VPS13B: variants seen among roughly 807,000 people sequenced by gnomAD.
VPS13B encodes the protein vacuolar protein sorting 13 homolog B.
VPS13B carries 285 observed loss-of-function variants against 426.4 expected under a neutral mutation model. That is an observed-to-expected ratio of 0.67 (90% CI 0.61 to 0.74). VPS13B has a LOEUF of 0.74. Among genes scored for constraint, VPS13B ranks in the 30% least tolerant of loss-of-function variants. The pLI is 0.00. For synonymous variants in VPS13B, 1,676 were observed against 1,676.4 expected, an observed-to-expected ratio of 1.00 and a Z score of 0.01; for missense variants, 4,537 against 4,782.6, an observed-to-expected ratio of 0.95 and a Z score of 1.51.
In VPS13B at chr8:99,695,211, G is replaced by T. The variant is rs1342129261; in HGVS notation, c.6047-4314G>T. Among the ~76,000 whole-genome samples, 538 of 148,902 alleles carry T rather than the reference G, an allele frequency of 3.6e-3. 11 individuals are homozygous for T. Among genetic ancestry groups the T allele is most frequent in the Admixed American group, 0.034 (429 of 12,660 alleles). On this transcript the variant is annotated intron_variant, in intron 35 of 61. Transcript: ENST00000357162. ...TCCCATTACTGGGTATATACCCAAA[G>T]GATTATAAATCATGCTGCTATAAAG...
chr8:99,588,388 A>G (rs1220084836), intron 33 of VPS13B, among the ~76,000 whole-genome samples: 1 of 151,778 alleles, frequency 6.6e-6, no homozygotes, highest in Non-Finnish European at 1.5e-5. Context: ...GATGTCATTG[A>G]ATCTACAAAT....
intron 3 of VPS13B, among the ~76,000 whole-genome samples, chr8:99,090,773 T>C (rs1846098830): frequency 6.6e-6 from 1 of 152,206 alleles, no homozygotes; most frequent in African/African-American, 2.4e-5. Flanking sequence ...TAAATTAATC[T>C]GTTCAATAAC....
intron 15 of VPS13B, among the ~76,000 whole-genome samples, chr8:99,160,732 T>C (rs1376872900): frequency 6.7e-6 from 1 of 150,040 alleles, no homozygotes; most frequent in Non-Finnish European, 1.5e-5. Context: ...ACTCCACAAA[T>C]AGGCTCTTGG....
intron 17 of VPS13B, among the ~76,000 whole-genome samples, chr8:99,251,015 T>C (rs1224096672): frequency 6.6e-6 from 1 of 152,186 alleles, no homozygotes; most frequent in Non-Finnish European, 1.5e-5. Context: ...TGTGACCTTA[T>C]AAAACTAAGC....
intron 55 of VPS13B, among the ~76,000 whole-genome samples, chr8:99,850,892 C>A (rs1816255216): frequency 6.6e-6 from 1 of 152,132 alleles, no homozygotes; most frequent in South Asian, 2.1e-4. Flanking sequence ...TGCCACTGCA[C>A]TCCAGCCTGG....
At chr8:99,349,332 C>CGAAA in intron 19 of VPS13B, among the ~76,000 whole-genome samples, 1 of 47,744 alleles carries the variant, frequency 2.1e-5, no homozygotes, top group East Asian at 6.8e-4. Flanking sequence ...GACTCCGTCT[C>CGAAA]AAAAAAAAAA....
chr8:99,344,594 T>C (rs1811434834), intron 19 of VPS13B, among the ~76,000 whole-genome samples: 1 of 152,214 alleles, frequency 6.6e-6, no homozygotes, highest in African/African-American at 2.4e-5. Flanking sequence ...CACCCATATT[T>C]GTATTGTGAG....
chr8:99,619,278 G>C (rs1178900909), intron 33 of VPS13B, among the ~76,000 whole-genome samples: 1 of 152,130 alleles, frequency 6.6e-6, no homozygotes, highest in Admixed American at 6.5e-5. Flanking sequence ...TCCACCCCTG[G>C]ATCCTGGAGG....
intron 17 of VPS13B, among the ~76,000 whole-genome samples, chr8:99,213,911 A>G (rs1027536060): frequency 9.7e-4 from 146 of 150,598 alleles, no homozygotes; most frequent in African/African-American, 3.3e-3. Context: ...CTAGACTCCC[A>G]TAAGTTCTGC....
intron 21 of VPS13B, among the ~76,000 whole-genome samples, chr8:99,423,796 C>G (rs1268567292): frequency 6.6e-6 from 1 of 152,066 alleles, no homozygotes; most frequent in African/African-American, 2.4e-5. Context: ...AATTTCTGTC[C>G]TTTTACATTT....
intron 17 of VPS13B, among the ~76,000 whole-genome samples, chr8:99,271,069 G>T (rs556024717): frequency 6.6e-6 from 1 of 151,902 alleles, no homozygotes; most frequent in Non-Finnish European, 1.5e-5. Flanking sequence ...TGTGTTTGCC[G>T]AATAAATGAA....
intron 8 of VPS13B, among the ~76,000 whole-genome samples, chr8:99,128,855 G>A (rs1809591314): frequency 1.3e-5 from 2 of 151,984 alleles, no homozygotes; most frequent in South Asian, 2.1e-4. Flanking sequence ...AATACTTTAA[G>A]ATAGCTGGAC....
At chr8:99,073,800 C>A (rs73281620) in intron 3 of VPS13B, among the ~76,000 whole-genome samples, 2,447 of 136,874 alleles carry the variant, frequency 0.018, 63 homozygotes, top group African/African-American at 0.063. Flanking sequence ...CATAAAGTTT[C>A]ACTCTGTTTC....
In VPS13B at chr8:99,038,563, A is replaced by T. The variant is rs1842840884; in HGVS notation, c.288A>T (p.Ile96=). 2 of 1,612,184 alleles carry T rather than the reference A, an allele frequency of 1.2e-6. No individual in the cohort carries two copies. Among genetic ancestry groups the T allele is most frequent in the African/African-American group, 2.7e-5 (2 of 74,862 alleles). Reference sequence around the variant, plus strand: ...GCATTTTGAAACTTAAGGATGGGATACAGGTAAGAAATTATTGAACCAAGT... The same window carrying T: ...GCATTTTGAAACTTAAGGATGGGATTCAGGTAAGAAATTATTGAACCAAGT... The part of the protein sequence containing the change: ...MECILKLKDG[I]QDDHESCGSN... Residue 96 remains isoleucine (I), a synonymous_variant, in exon 3 of 62, where the codon ATA becomes ATT. Transcript: ENST00000357162.
chr8:99,014,018 A>C, intron 2 of VPS13B, 83 bp downstream of exon 2: 1 of 1,545,042 alleles, frequency 6.5e-7, no homozygotes, highest in South Asian at 1.1e-5. Context: ...CTTTGACTTT[A>C]TGCTGTAAAA....
At chr8:99,660,971 C>CT (rs1277333803) in intron 34 of VPS13B, among the ~76,000 whole-genome samples, 2 of 151,772 alleles carry the variant, frequency 1.3e-5, no homozygotes, top group African/African-American at 2.4e-5. Context: ...AATGTATATG[C>CT]TTTTTTTTAA....
Position 99,851,000 on chromosome 8 carries a change from G to A in VPS13B, c.10061+2106G>A, listed in dbSNP as rs77865546. On this transcript the variant is annotated intron_variant, in intron 55 of 61. Transcript: ENST00000357162. ...TATATGGTTAAGAACTCATTAATTT[G>A]GACTCTGCTAATTTGAATTTATAAT... Among the ~76,000 whole-genome samples the A allele has an allele frequency of 1.8e-4, 28 of 152,232 alleles. No homozygotes were observed. In the East Asian group the frequency reaches 5.0e-3, roughly 27 times the overall value.
At chr8:99,793,455 G>C (rs1002061378) in intron 43 of VPS13B, among the ~76,000 whole-genome samples, 1 of 151,904 alleles carries the variant, frequency 6.6e-6, no homozygotes, top group African/African-American at 2.4e-5. Context: ...CTTCTCTTTA[G>C]ATACTATGGA....
At chr8:99,672,399 C>G (rs1250590398) in intron 35 of VPS13B, among the ~76,000 whole-genome samples, 1 of 151,920 alleles carries the variant, frequency 6.6e-6, no homozygotes, top group Non-Finnish European at 1.5e-5. Flanking sequence ...AGATTGTTTT[C>G]TTAGTTTCTT....
Sources: gnomAD v4.1 joint callset for allele counts (sites outside exome capture counted in the v4.1 genomes callset) on GRCh38, gnomAD v4.1.1 for gene constraint, MANE v1.5 for transcripts, NCBI Gene and HGNC (gene_info 2026-07-23, HGNC 2026-07-21) for gene names.